VPS13D: variants seen among roughly 807,000 people sequenced by gnomAD.
VPS13D encodes the protein vacuolar protein sorting 13 homolog D.
Under a neutral mutation model 461.9 loss-of-function variants are expected in VPS13D, and 187 were observed. That is an observed-to-expected ratio of 0.40 (90% CI 0.36 to 0.46). The LOEUF (loss-of-function observed/expected upper bound fraction) is 0.46, where lower values mean the gene tolerates loss of function less well. Among genes scored for constraint, VPS13D ranks in the 20% least tolerant of loss-of-function variants. VPS13D has a pLI of 0.60. For synonymous variants in VPS13D, 1,951 were observed against 1,986.3 expected (o/e 0.98, Z 0.47); for missense variants, 4,711 against 5,364.9 (o/e 0.88, Z 3.81).
At chr1:12,242,991 C>T (rs781574384) in intron 3 of VPS13D, among the ~76,000 whole-genome samples, 40 of 150,004 alleles carry the variant, frequency 2.7e-4, no homozygotes, top group Non-Finnish European at 4.9e-4. Flanking sequence ...CTCGCTCTGT[C>T]ACCGAGGCTG....
chr1:12,479,444 T>G (rs929330275), intron 67 of VPS13D, among the ~76,000 whole-genome samples: 3 of 152,252 alleles, frequency 2.0e-5, no homozygotes, highest in Non-Finnish European at 4.4e-5. Flanking sequence ...ATGACAGTGC[T>G]GCAGAAATTG....
intron 48 of VPS13D, 122 bp downstream of exon 48, chr1:12,356,212 A>C: frequency 7.2e-7 from 1 of 1,393,550 alleles, no homozygotes. Context: ...AGCTGCTGAA[A>C]CATTCCTGCT....
At chr1:12,268,249 C>CTTTTTT (rs35267390) in intron 15 of VPS13D, among the ~76,000 whole-genome samples, 2 of 100,734 alleles carry the variant, frequency 2.0e-5, no homozygotes, top group Non-Finnish European at 2.1e-5. Context: ...CATGCCTGAG[C>CTTTTTT]TTTTTTTTTT....
intron 7 of VPS13D, among the ~76,000 whole-genome samples, chr1:12,254,068 G>A (rs1320166296): frequency 6.6e-6 from 1 of 152,120 alleles, no homozygotes; most frequent in African/African-American, 2.4e-5. Flanking sequence ...GTTTTCTTTG[G>A]TTTATTTTAT....
In VPS13D at chr1:12,274,006, C is replaced by T. The variant is rs904989671; in HGVS notation, c.2236+871C>T. Reference sequence around the variant, plus strand: ...GTGGAGTTGCTGAGCCATGTGGTAACTCTATGTTTTAATATTTTGAGGAAG... The same window carrying T: ...GTGGAGTTGCTGAGCCATGTGGTAATTCTATGTTTTAATATTTTGAGGAAG... On this transcript the variant is annotated intron_variant, in intron 18 of 69. Transcript: ENST00000620676. 2.0e-5 allele frequency among the ~76,000 whole-genome samples: 3 copies of T among 151,956 alleles called. No homozygotes were observed. The South Asian group carries it at 6.2e-4, about 32-fold the overall frequency.
chr1:12,385,048 A>G (rs1644332967), intron 58 of VPS13D, among the ~76,000 whole-genome samples: 1 of 152,170 alleles, frequency 6.6e-6, no homozygotes, highest in Non-Finnish European at 1.5e-5. Context: ...TGAGGCTCTC[A>G]AGGTGTATAG....
intron 13 of VPS13D, among the ~76,000 whole-genome samples, chr1:12,264,862 T>C (rs1641219185): frequency 6.6e-6 from 1 of 152,216 alleles, no homozygotes; most frequent in Non-Finnish European, 1.5e-5. Flanking sequence ...TCTAGGACTT[T>C]TCATAGCTAG....
intron 65 of VPS13D, among the ~76,000 whole-genome samples, chr1:12,444,150 ATCTT>A (rs1283216524): frequency 6.6e-6 from 1 of 152,098 alleles, no homozygotes; most frequent in Non-Finnish European, 1.5e-5. Flanking sequence ...TTCAGAAAAC[ATCTT>A]TCTTTCACCT....
At chr1:12,501,347 T>A (rs771257285) in intron 68 of VPS13D, among the ~76,000 whole-genome samples, 1 of 152,202 alleles carries the variant, frequency 6.6e-6, no homozygotes, top group Non-Finnish European at 1.5e-5. Context: ...TTTATTAGCT[T>A]CCATTTCCTA....
rs747718173 is a variant in VPS13D at position 12,349,364 on chromosome 1, C to G, written c.9421C>G (p.Arg3141Gly). Residue 3141 changes from arginine (R) to glycine (G), a missense_variant, in exon 46 of 70, where the codon CGA becomes GGA. By Grantham distance (125) the Arg-to-Gly change is moderately radical. Coordinates refer to ENST00000620676, the MANE Select transcript of VPS13D (RefSeq NM_015378.4). ...ECHSMDTEKS[R>G]FFRFCVAIKK... ...CCACTCTATGGACACAGAAAAAAGC[C>G]GATTTTTCAGGTATGTAGCACCACT... The G allele has an allele frequency of 3.1e-6, 5 of 1,613,526 alleles. No homozygotes were observed. In the African/African-American group the frequency reaches 6.7e-5, roughly 22 times the overall value.
At chr1:12,326,666 A>G (rs540850514) in intron 35 of VPS13D, among the ~76,000 whole-genome samples, 2 of 149,638 alleles carry the variant, frequency 1.3e-5, no homozygotes, top group African/African-American at 2.5e-5. Flanking sequence ...TTTTTGAGGC[A>G]GAGTTTTGCT....
intron 60 of VPS13D, among the ~76,000 whole-genome samples, chr1:12,389,842 T>G (rs1299040514): frequency 6.6e-6 from 1 of 152,224 alleles, no homozygotes; most frequent in Non-Finnish European, 1.5e-5. Context: ...AGTTTCCCAT[T>G]GCCTTAATCA....
intron 35 of VPS13D, among the ~76,000 whole-genome samples, chr1:12,324,940 T>TC (rs1643140043): frequency 2.0e-5 from 3 of 152,202 alleles, no homozygotes; most frequent in Admixed American, 6.5e-5. Flanking sequence ...CACATCTTAG[T>TC]CCCCTACGAT....
At chr1:12,398,804 C>T (rs1644533973) in intron 60 of VPS13D, among the ~76,000 whole-genome samples, 1 of 152,158 alleles carries the variant, frequency 6.6e-6, no homozygotes, top group African/African-American at 2.4e-5. Flanking sequence ...ATTTGAGCTC[C>T]TGGTTCTCTA....
chr1:12,386,754 A>AT (rs1429351838), intron 60 of VPS13D, among the ~76,000 whole-genome samples: 1 of 152,252 alleles, frequency 6.6e-6, no homozygotes, highest in Non-Finnish European at 1.5e-5. Flanking sequence ...ATCCAGATAA[A>AT]TAAGAAGACA....
intron 32 of VPS13D, among the ~76,000 whole-genome samples, chr1:12,320,825 A>G (rs1643015719): frequency 6.6e-6 from 1 of 152,248 alleles, no homozygotes; most frequent in Non-Finnish European, 1.5e-5. Flanking sequence ...AAAATATTTG[A>G]GATCGCTGGA....
chr1:12,283,769 C>T (rs778291965), intron 21 of VPS13D, 33 bp downstream of exon 21: 55 of 1,561,486 alleles, frequency 3.5e-5, no homozygotes, highest in Non-Finnish European at 4.2e-5. Context: ...CCCTTAAGCT[C>T]TAAAAATGGA....
At chr1:12,472,505 C>T (rs768791622) in intron 67 of VPS13D, among the ~76,000 whole-genome samples, 13 of 152,194 alleles carry the variant, frequency 8.5e-5, no homozygotes, top group Admixed American at 7.2e-4. Context: ...CAGTGGAGGC[C>T]ACCATCCTAA....
At chr1:12,422,228 A>G (rs534059435) in intron 65 of VPS13D, among the ~76,000 whole-genome samples, 3 of 152,336 alleles carry the variant, frequency 2.0e-5, no homozygotes, top group Non-Finnish European at 4.4e-5. Context: ...GTTTATGAAT[A>G]CAGATATTTT....
Sources: gnomAD v4.1 joint callset for allele counts (sites outside exome capture counted in the v4.1 genomes callset) on GRCh38, gnomAD v4.1.1 for gene constraint, MANE v1.5 for transcripts, NCBI Gene and HGNC (gene_info 2026-07-23, HGNC 2026-07-21) for gene names.